Variants in SLC39A14 observed in about 807,000 individuals in gnomAD.
SLC39A14 encodes the protein metal cation symporter ZIP14.
A neutral mutation model predicts 45.5 loss-of-function variants in SLC39A14; 19 were observed. The observed-to-expected ratio is 0.42, with a 90% CI of 0.29 to 0.61. SLC39A14 has a LOEUF of 0.61. Ranked by LOEUF, SLC39A14 falls within the 20% of genes least tolerant of loss-of-function variation. SLC39A14 has a pLI of 0.22. For synonymous variants in SLC39A14, 264 were observed against 251.3 expected, an observed-to-expected ratio of 1.05 and a Z score of -0.48; for missense variants, 447 against 616.5, an observed-to-expected ratio of 0.73 and a Z score of 2.91.
rs1835846288 is a variant in SLC39A14 at position 22,415,885 on chromosome 8, C to T, written c.867C>T (p.His289=). The T allele has an allele frequency of 1.2e-6, 2 of 1,612,966 alleles. No homozygotes were observed. Among genetic ancestry groups the T allele is most frequent in the South Asian group, 1.1e-5 (1 of 90,966 alleles). The change falls in exon 6 of 9, where the codon CAC becomes CAT. Residue 289 remains histidine (H), a synonymous_variant. Transcript: ENST00000381237. ...NGDLDHMIPQ[H]CSSELDGKAP... ...ACCTGGACCACATGATTCCTCAGCA[C>T]TGCAGCAGTGAGCTGGACGGCAAGG...
intron 7 of SLC39A14, 103 bp from the exon 8 acceptor site, chr8:22,417,548 C>T: frequency 1.0e-6 from 1 of 990,420 alleles, no homozygotes; most frequent in Admixed American, 2.1e-5. Flanking sequence ...AAACAGTCCT[C>T]CCAGCTGAGC....
Position 22,421,018 on chromosome 8 carries a change from G to GC in SLC39A14, c.*1322dup. ...CAGCCTTAGCCACTGTGGAGCCCTT[G>GC]CCTCCGAGCTCTGGCTTCAAGGGGA... is the stretch of plus-strand genomic sequence containing the variant. On this transcript the variant is annotated 3_prime_UTR_variant, in exon 9 of 9. Coordinates refer to ENST00000381237, the MANE Select transcript of SLC39A14 (RefSeq NM_001128431.4). 1.0e-6 allele frequency: 1 copy of GC among 985,864 alleles called. No individual in the cohort carries two copies. Among genetic ancestry groups the GC allele is most frequent in the Non-Finnish European group, 1.2e-6 (1 of 829,940 alleles). 61.1% of individuals were successfully genotyped at this position (985,864 alleles called of 1,614,324 possible). A position where few individuals can be genotyped will look rare whatever the true frequency, so the allele number is the denominator to read the frequency against.
At position 22,420,050 on chromosome 8, in the gene SLC39A14, T is replaced by C; in HGVS notation, c.*352T>C. 2 of 1,013,480 alleles carry C rather than the reference T, an allele frequency of 2.0e-6. No homozygotes were observed. The highest frequency in any genetic ancestry group is 3.4e-5 in the African/African-American group (2 of 58,336). 62.8% of individuals were successfully genotyped at this position (1,013,480 alleles called of 1,614,324 possible). A position where few individuals can be genotyped will look rare whatever the true frequency, so the allele number is the denominator to read the frequency against. On this transcript the variant is annotated 3_prime_UTR_variant, in exon 9 of 9. Transcript: ENST00000381237. ...AGGTTTTGAATCCTTTACCCAACAA[T>C]GCAAAAATAGAGCCAATGGTTATAA...
intron 1 of SLC39A14, chr8:22,404,483 C>G (rs1424430274): frequency 1.6e-5 from 3 of 187,646 alleles, no homozygotes; most frequent in East Asian, 7.9e-5. Context: ...TTTCATTTTT[C>G]AATCTAGTCA....
chr8:22,371,252 G>A (rs1189214479), intron 1 of SLC39A14, among the ~76,000 whole-genome samples: 1 of 152,022 alleles, frequency 6.6e-6, no homozygotes, highest in Admixed American at 6.6e-5. Flanking sequence ...TCCCTCCAAG[G>A]GCAGGCCCCA....
intron 2 of SLC39A14, among the ~76,000 whole-genome samples, chr8:22,407,659 C>T (rs1835304137): frequency 6.6e-6 from 1 of 151,400 alleles, no homozygotes; most frequent in Non-Finnish European, 1.5e-5. Flanking sequence ...CCGCACCTGG[C>T]CCCAGAATGG....
At chr8:22,374,515 G>C (rs1190884219) in intron 1 of SLC39A14, among the ~76,000 whole-genome samples, 1 of 152,032 alleles carries the variant, frequency 6.6e-6, no homozygotes, top group Admixed American at 6.6e-5. Context: ...GAGAGAGCAG[G>C]GTCCTGGTAA....
At chr8:22,422,772 GTT>G, downstream of SLC39A14, 1 of 949,724 alleles carries the variant, frequency 1.1e-6, no homozygotes, top group African/African-American at 1.8e-5. Context: ...GACGTACAAA[GTT>G]TTGTTTTACC....
Position 22,403,169 on chromosome 8 carries a change from G to A in SLC39A14, c.-15-1527G>A, listed in dbSNP as rs371222110. On this transcript the variant is annotated intron_variant, in intron 1 of 8. Coordinates refer to ENST00000381237, the MANE Select transcript of SLC39A14 (RefSeq NM_001128431.4). ...TTTTTTCTATTTTTAGTAGAGATGGGGTTTCACTGTGTTAGCCAGGATGGT... is the reference window on the plus strand; with the variant it reads ...TTTTTTCTATTTTTAGTAGAGATGGAGTTTCACTGTGTTAGCCAGGATGGT... Among the ~76,000 whole-genome samples, 6 of 152,214 alleles carry A rather than the reference G, an allele frequency of 3.9e-5. No homozygotes were observed. In the South Asian group the frequency reaches 8.3e-4, roughly 21 times the overall value.
Position 22,372,962 on chromosome 8 carries a change from AT to A in SLC39A14, c.-16+5556del, listed in dbSNP as rs1271843143. Among the ~76,000 whole-genome samples the A allele has an allele frequency of 9.2e-5, 14 of 151,732 alleles. 1 individual carries two copies. The East Asian group carries it at 2.7e-3, about 29-fold the overall frequency. ...AAAAATAAGGCGATTACACGTTAACATTAAAAAAAAAAATGTTTTGAACGGG... is the reference window on the plus strand; with the variant it reads ...AAAAATAAGGCGATTACACGTTAACATAAAAAAAAAAATGTTTTGAACGGG... On this transcript the variant is annotated intron_variant, in intron 1 of 8. Coordinates refer to ENST00000381237, the MANE Select transcript of SLC39A14 (RefSeq NM_001128431.4).
At chr8:22,372,874 A>C (rs1345417805) in intron 1 of SLC39A14, among the ~76,000 whole-genome samples, 1 of 152,126 alleles carries the variant, frequency 6.6e-6, no homozygotes, top group Non-Finnish European at 1.5e-5. Context: ...GCTTCAAGCG[A>C]TCCTTCTGCC....
intron 8 of SLC39A14, among the ~76,000 whole-genome samples, chr8:22,431,779 A>G (rs1836471001): frequency 6.6e-6 from 1 of 152,240 alleles, no homozygotes; most frequent in Non-Finnish European, 1.5e-5. Context: ...GGCCAGGTGG[A>G]GAGATCCACC....
intron 1 of SLC39A14, among the ~76,000 whole-genome samples, chr8:22,396,789 T>C (rs1834512597): frequency 1.3e-5 from 2 of 152,042 alleles, no homozygotes; most frequent in South Asian, 4.2e-4. Flanking sequence ...TTGCCACATT[T>C]GGGGATGTGA....
chr8:22,425,028 CAAAAAAAAA>C (rs71544902), downstream of SLC39A14, among the ~76,000 whole-genome samples: 1 of 74,344 alleles, frequency 1.3e-5, no homozygotes, highest in Non-Finnish European at 2.7e-5. Flanking sequence ...GACTCCGTCT[CAAAAAAAAA>C]AAAAAAAAAA....
downstream of SLC39A14, among the ~76,000 whole-genome samples, chr8:22,424,065 C>T (rs118095508): frequency 7.2e-3 from 1,093 of 152,072 alleles, 10 homozygotes; most frequent in Middle Eastern, 0.024. Flanking sequence ...GGATTATAGG[C>T]GCAGATCACC....
intron 1 of SLC39A14, among the ~76,000 whole-genome samples, chr8:22,392,488 G>T (rs1370372322): frequency 6.6e-6 from 1 of 152,184 alleles, no homozygotes; most frequent in Admixed American, 6.5e-5. Flanking sequence ...CTTCATGGGG[G>T]TGACGTAAGT....
chr8:22,371,059 G>A (rs28684831), intron 1 of SLC39A14, among the ~76,000 whole-genome samples: 12,222 of 152,208 alleles, frequency 0.08, 534 homozygotes, highest in Non-Finnish European at 0.099. Context: ...CTCTCAGGGG[G>A]CCCCTGGTTG....
At chr8:22,405,591 C>A (rs889545947) in intron 2 of SLC39A14, among the ~76,000 whole-genome samples, 3 of 152,212 alleles carry the variant, frequency 2.0e-5, no homozygotes, top group African/African-American at 7.2e-5. Flanking sequence ...GCACTTGAGT[C>A]ACTCAGAAAT....
intron 1 of SLC39A14, among the ~76,000 whole-genome samples, chr8:22,394,530 A>G (rs1038108828): frequency 7.3e-5 from 11 of 151,696 alleles, no homozygotes; most frequent in East Asian, 3.9e-4. Flanking sequence ...CGTGTTAGCC[A>G]GGATGGTCTT....
Sources: gnomAD v4.1 joint callset for allele counts (sites outside exome capture counted in the v4.1 genomes callset) on GRCh38, gnomAD v4.1.1 for gene constraint, MANE v1.5 for transcripts, NCBI Gene and HGNC (gene_info 2026-07-23, HGNC 2026-07-21) for gene names.